The following MAF variants were observed in gnomAD, a reference collection of about 807,000 sequenced individuals.
MAF encodes the protein MAF bZIP transcription factor.
A neutral mutation model predicts 22.0 loss-of-function variants in MAF; 10 were observed. The ratio of observed to expected loss-of-function variants is 0.45; its 90% CI spans 0.28 to 0.77. The LOEUF (loss-of-function observed/expected upper bound fraction) is 0.77. Among genes scored for constraint, MAF ranks in the 30% least tolerant of loss-of-function variants. MAF has a pLI of 0.12. For missense variants in MAF, 544 were observed against 548.4 expected, an observed-to-expected ratio of 0.99 and a Z score of 0.08; for synonymous variants, 337 against 255.8, an observed-to-expected ratio of 1.32 and a Z score of -3.03.
At chr16:79,532,262 C>T in the MAF span, among the ~76,000 whole-genome samples, 1 of 152,092 alleles carries the variant, frequency 6.6e-6, no homozygotes, top group Non-Finnish European at 1.5e-5. Context: ...AGAACCAAGG[C>T]AGGAGGGTTG....
At chr16:79,212,427 CA>C in the MAF span, 1 of 305,374 alleles carries the variant, frequency 3.3e-6, no homozygotes, top group Admixed American at 4.5e-5. Flanking sequence ...TAATGCTATG[CA>C]AAAAATTCTT....
the MAF span, among the ~76,000 whole-genome samples, chr16:79,523,520 T>G: frequency 2.6e-5 from 4 of 152,252 alleles, no homozygotes; most frequent in African/African-American, 4.8e-5. Context: ...GAACACCAAC[T>G]GCAGCCAGAC....
chr16:79,587,537 T>C (rs1567557922), intron 1 of MAF, among the ~76,000 whole-genome samples: 1 of 152,216 alleles, frequency 6.6e-6, no homozygotes, highest in Non-Finnish European at 1.5e-5. Flanking sequence ...CTTGGGGACG[T>C]TGCAAACATA....
the MAF span, among the ~76,000 whole-genome samples, chr16:79,453,752 A>C: frequency 1.3e-5 from 2 of 152,192 alleles, no homozygotes; most frequent in Non-Finnish European, 2.9e-5. Flanking sequence ...CGTCACTGCT[A>C]TTCTCTTTGA....
chr16:79,318,952 C>G, the MAF span, among the ~76,000 whole-genome samples: 2 of 152,130 alleles, frequency 1.3e-5, no homozygotes, highest in African/African-American at 4.8e-5. Context: ...CTCCATGAAA[C>G]TCACACACAC....
At chr16:79,347,826 G>A in the MAF span, among the ~76,000 whole-genome samples, 4 of 152,134 alleles carry the variant, frequency 2.6e-5, no homozygotes, top group East Asian at 1.9e-4. Context: ...GTCAGACTCA[G>A]GAACCATGGA....
chr16:79,380,525 C>CT, the MAF span, among the ~76,000 whole-genome samples: 1 of 152,216 alleles, frequency 6.6e-6, no homozygotes, highest in Admixed American at 6.5e-5. Flanking sequence ...TTTCCCACAG[C>CT]TACCTGCCTG....
At chr16:79,362,654 C>T in the MAF span, among the ~76,000 whole-genome samples, 1 of 152,176 alleles carries the variant, frequency 6.6e-6, no homozygotes, top group Non-Finnish European at 1.5e-5. Context: ...ACGGGGTAGT[C>T]AAGTTAGATC....
At chr16:79,251,653 G>A in the MAF span, among the ~76,000 whole-genome samples, 1 of 152,070 alleles carries the variant, frequency 6.6e-6, no homozygotes, top group Non-Finnish European at 1.5e-5. Flanking sequence ...TTTACTGATG[G>A]GAAAAGAAAT....
At chr16:79,502,708 A>AATATATATACATATAT in the MAF span, among the ~76,000 whole-genome samples, 12 of 34,006 alleles carry the variant, frequency 3.5e-4, 1 homozygote, top group Non-Finnish European at 5.6e-4. Context: ...TATAAATATA[A>AATATATATACATATAT]ATATATATAT....
At chr16:79,208,409 C>T in the MAF span, among the ~76,000 whole-genome samples, 2 of 152,050 alleles carry the variant, frequency 1.3e-5, no homozygotes, top group Non-Finnish European at 2.9e-5. Context: ...TAGGGGAACC[C>T]ATAGCTCCAG....
At chr16:79,512,998 A>G in the MAF span, among the ~76,000 whole-genome samples, 1 of 152,252 alleles carries the variant, frequency 6.6e-6, no homozygotes, top group East Asian at 1.9e-4. Context: ...TCATGTGACC[A>G]CAGAGCTAGG....
the MAF span, among the ~76,000 whole-genome samples, chr16:79,569,889 T>C: frequency 2.0e-5 from 3 of 152,098 alleles, no homozygotes; most frequent in Non-Finnish European, 4.4e-5. Context: ...ATACAAACAA[T>C]TGACGTTGGC....
the MAF span, among the ~76,000 whole-genome samples, chr16:79,214,284 T>G: frequency 2.2e-3 from 333 of 152,328 alleles, 8 homozygotes; most frequent in East Asian, 0.057. Flanking sequence ...CCACAGTACC[T>G]TGAACTGCTC....
At chr16:79,586,049 A>G in intron 1 of MAF, 1 of 562,638 alleles carries the variant, frequency 1.8e-6, no homozygotes, top group Non-Finnish European at 3.1e-6. Flanking sequence ...AAAGGGCAGA[A>G]TTACACCAAA....
the MAF span, among the ~76,000 whole-genome samples, chr16:79,510,800 G>T: frequency 6.6e-6 from 1 of 152,146 alleles, no homozygotes; most frequent in Non-Finnish European, 1.5e-5. Context: ...CCACACATTG[G>T]GTAGCTGGTC....
chr16:79,341,216 A>C, the MAF span, among the ~76,000 whole-genome samples: 5 of 152,320 alleles, frequency 3.3e-5, no homozygotes, highest in African/African-American at 1.2e-4. Flanking sequence ...CACAAGAAGG[A>C]GAGACAATGT....
the MAF span, among the ~76,000 whole-genome samples, chr16:79,391,046 C>G: frequency 6.6e-6 from 1 of 152,188 alleles, no homozygotes; most frequent in Admixed American, 6.5e-5. Context: ...ACTGCTGCCT[C>G]TCCACCACTT....
chr16:79,247,193 C>G, the MAF span, among the ~76,000 whole-genome samples: 1 of 152,154 alleles, frequency 6.6e-6, no homozygotes, highest in Non-Finnish European at 1.5e-5. Context: ...GAGCAAATAG[C>G]CAGTGTGAGA....
Sources: allele counts gnomAD v4.1 joint callset (sites outside exome capture counted in the v4.1 genomes callset), GRCh38; gene constraint gnomAD v4.1.1; transcripts MANE v1.5; gene names NCBI Gene and HGNC (gene_info 2026-07-23, HGNC 2026-07-21).